The following CDH2 variants were observed in gnomAD, a reference collection of about 807,000 sequenced individuals.
CDH2 encodes cadherin-2.
In CDH2, 17 loss-of-function variants were observed where a neutral mutation model predicts 92.0. The ratio of observed to expected loss-of-function variants is 0.18; its 90% confidence interval spans 0.13 to 0.28. The LOEUF is 0.28. Among genes scored for constraint, CDH2 ranks in the 10% least tolerant of loss-of-function variants. CDH2 has a pLI of 1.00. For synonymous variants in CDH2, 419 were observed against 415.9 expected (o/e 1.01, Z -0.09); for missense variants, 862 against 1,133.1 (o/e 0.76, Z 3.44).
chr18:28,040,644 C>T lies in CDH2; in HGVS notation c.173-26735G>A, dbSNP rs374427741. On this transcript the variant is annotated intron_variant, in intron 2 of 15. Transcript: ENST00000269141. ...CAGAGCAAACAATATAAAGTAGATGCTGAAAAAACACATTCCAGCCAAGCT... is the reference window on the plus strand; with the variant it reads ...CAGAGCAAACAATATAAAGTAGATGTTGAAAAAACACATTCCAGCCAAGCT... 6.6e-5 allele frequency among the ~76,000 whole-genome samples: 10 copies of T among 152,218 alleles called. 1 individual carries two copies. The highest frequency in any genetic ancestry group is 5.8e-4 in the East Asian group (3 of 5,168).
At chr18:28,147,602 G>A (rs1598507931) in intron 2 of CDH2, 71 bp downstream of exon 2, 5 of 922,042 alleles carry the variant, frequency 5.4e-6, no homozygotes, top group Non-Finnish European at 1.7e-6. Context: ...AATGATTTAG[G>A]CTTTTTTAAT....
intron 6 of CDH2, among the ~76,000 whole-genome samples, chr18:27,940,995 A>G (rs957813608): frequency 2.6e-4 from 40 of 151,112 alleles, no homozygotes; most frequent in Admixed American, 2.4e-3. Context: ...TAGGAGAGAT[A>G]CATACATACA....
chr18:28,094,956 T>C (rs995230831), intron 2 of CDH2, among the ~76,000 whole-genome samples: 4 of 152,162 alleles, frequency 2.6e-5, no homozygotes, highest in African/African-American at 9.7e-5. Context: ...TTAAAGAATT[T>C]ATAACATGTT....
At chr18:28,063,123 A>AT (rs1254702670) in intron 2 of CDH2, among the ~76,000 whole-genome samples, 2 of 152,158 alleles carry the variant, frequency 1.3e-5, no homozygotes, top group Non-Finnish European at 1.5e-5. Flanking sequence ...TGTTATGGTG[A>AT]TTTTTTTATA....
intron 2 of CDH2, among the ~76,000 whole-genome samples, chr18:28,113,070 T>C (rs2015438571): frequency 6.6e-6 from 1 of 152,150 alleles, no homozygotes; most frequent in Non-Finnish European, 1.5e-5. Flanking sequence ...CTGATATTTA[T>C]CAGACCTTGA....
At chr18:28,133,097 T>G (rs1265522974) in intron 2 of CDH2, among the ~76,000 whole-genome samples, 2 of 152,180 alleles carry the variant, frequency 1.3e-5, no homozygotes, top group Non-Finnish European at 2.9e-5. Flanking sequence ...CCTCACTTAC[T>G]TTGACTTTTC....
At chr18:28,078,962 C>T (rs1336229911) in intron 2 of CDH2, among the ~76,000 whole-genome samples, 1 of 152,150 alleles carries the variant, frequency 6.6e-6, no homozygotes, top group African/African-American at 2.4e-5. Flanking sequence ...GTAGAGCCTA[C>T]TTTCAACTGT....
chr18:28,021,489 TTTA>T (rs1386404069), intron 2 of CDH2, among the ~76,000 whole-genome samples: 3 of 151,902 alleles, frequency 2.0e-5, no homozygotes, highest in Non-Finnish European at 4.4e-5. Flanking sequence ...AAACAACAAA[TTTA>T]TTATTAGAGA....
chr18:27,998,958 G>A (rs1396337579), intron 7 of CDH2, among the ~76,000 whole-genome samples: 3 of 152,102 alleles, frequency 2.0e-5, no homozygotes, highest in Non-Finnish European at 4.4e-5. Flanking sequence ...TCATGTTCAG[G>A]GTAATGAGAC....
At chr18:27,943,090 A>T (rs1284508383) in intron 6 of CDH2, among the ~76,000 whole-genome samples, 1 of 152,220 alleles carries the variant, frequency 6.6e-6, no homozygotes, top group Non-Finnish European at 1.5e-5. Flanking sequence ...TAGAGTTTAG[A>T]ATGAACTAAA....
chr18:27,982,740 T>C (rs1008294114), intron 14 of CDH2, among the ~76,000 whole-genome samples: 1 of 152,070 alleles, frequency 6.6e-6, no homozygotes, highest in African/African-American at 2.4e-5. Context: ...GTGTTTTTTT[T>C]TTTTTTACAA....
At chr18:27,991,492 C>T (rs886653923) in intron 9 of CDH2, among the ~76,000 whole-genome samples, 4 of 152,170 alleles carry the variant, frequency 2.6e-5, no homozygotes, top group African/African-American at 7.2e-5. Flanking sequence ...ACTAGCCACA[C>T]GAAACCTTCC....
intron 2 of CDH2, among the ~76,000 whole-genome samples, chr18:28,053,143 T>C (rs1167263969): frequency 1.3e-5 from 2 of 152,116 alleles, no homozygotes; most frequent in Admixed American, 1.3e-4. Flanking sequence ...TTTAGAACTA[T>C]GAGAAATAAA....
chr18:28,022,684 C>G (rs552642716), intron 2 of CDH2, among the ~76,000 whole-genome samples: 1 of 152,024 alleles, frequency 6.6e-6, no homozygotes, highest in African/African-American at 2.4e-5. Context: ...TTTGGAAATG[C>G]AAATGTTTTT....
intron 14 of CDH2, among the ~76,000 whole-genome samples, chr18:27,967,046 T>C (rs1183219832): frequency 6.6e-6 from 1 of 152,206 alleles, no homozygotes; most frequent in Non-Finnish European, 1.5e-5. Context: ...ATCATTGCCA[T>C]GGTGAATCAC....
At chr18:27,942,831 G>A (rs1476609542) in intron 6 of CDH2, among the ~76,000 whole-genome samples, 2 of 152,184 alleles carry the variant, frequency 1.3e-5, no homozygotes, top group Non-Finnish European at 2.9e-5. Flanking sequence ...ATTGTCCATA[G>A]TGGCTGTGTG....
chr18:28,010,012 G>C (rs1358861837), intron 4 of CDH2, 140 bp from the exon 5 acceptor site: 1 of 545,198 alleles, frequency 1.8e-6, no homozygotes, highest in Non-Finnish European at 3.0e-6. Context: ...AACTCTCCTA[G>C]TGCCTGTTCT....
chr18:28,172,382 T>C (rs1042545888), intron 1 of CDH2, among the ~76,000 whole-genome samples: 6 of 152,182 alleles, frequency 3.9e-5, no homozygotes, highest in African/African-American at 9.7e-5. Context: ...AACATTAATA[T>C]GTATATACCT....
At chr18:28,077,833 C>T (rs1370900327) in intron 2 of CDH2, among the ~76,000 whole-genome samples, 1 of 129,244 alleles carries the variant, frequency 7.7e-6, no homozygotes, top group South Asian at 2.5e-4. Flanking sequence ...GGAGGTTGCA[C>T]TGAGCTGAGA....
Sources: allele counts gnomAD v4.1 joint callset (sites outside exome capture counted in the v4.1 genomes callset), GRCh38; gene constraint gnomAD v4.1.1; transcripts MANE v1.5; gene names NCBI Gene and HGNC (gene_info 2026-07-23, HGNC 2026-07-21).